The following MYO3B variants were observed in gnomAD, a reference collection of about 807,000 sequenced individuals.
The protein encoded by MYO3B is myosin IIIB.
In MYO3B, 156 loss-of-function variants were observed where a neutral mutation model predicts 174.6. The ratio of observed to expected loss-of-function variants is 0.89; its 90% CI spans 0.78 to 1.02. The LOEUF is 1.02. Among genes scored for constraint, MYO3B ranks in the 50% least tolerant of loss-of-function variants. The pLI is 0.00. For missense variants in MYO3B, 1,632 were observed against 1,639.4 expected, an observed-to-expected ratio of 1.00 and a Z score of 0.08; for synonymous variants, 563 against 569.1, an observed-to-expected ratio of 0.99 and a Z score of 0.15.
At chr2:170,389,869 C>T (rs1044327383) in intron 14 of MYO3B, among the ~76,000 whole-genome samples, 2 of 152,012 alleles carry the variant, frequency 1.3e-5, no homozygotes, top group East Asian at 1.9e-4. Flanking sequence ...TTAAGCTTAC[C>T]GTTATTCTCC....
intron 1 of MYO3B, among the ~76,000 whole-genome samples, chr2:170,186,631 C>T (rs1489513081): frequency 2.0e-5 from 3 of 152,142 alleles, no homozygotes; most frequent in African/African-American, 7.2e-5. Flanking sequence ...CTAATACCGG[C>T]CCCATAAAAT....
At chr2:170,350,347 C>T (rs772528430) in intron 8 of MYO3B, 7 of 152,008 alleles carry the variant, frequency 4.6e-5, no homozygotes, top group Non-Finnish European at 8.8e-5. Flanking sequence ...TTTTTGATTG[C>T]CTTAAATACA....
intron 28 of MYO3B, among the ~76,000 whole-genome samples, chr2:170,511,996 T>C (rs1688020941): frequency 6.6e-6 from 1 of 152,214 alleles, no homozygotes; most frequent in Non-Finnish European, 1.5e-5. Context: ...CAATGCTGTT[T>C]CAGGACAAGC....
intron 24 of MYO3B, 123 bp downstream of exon 24, chr2:170,463,568 T>C (rs1024381607): frequency 1.3e-5 from 11 of 846,820 alleles, no homozygotes; most frequent in Non-Finnish European, 2.0e-5. Context: ...AAAGATTGGG[T>C]TGGGGAAGTG....
intron 7 of MYO3B, among the ~76,000 whole-genome samples, chr2:170,266,328 T>A (rs1011065143): frequency 6.6e-6 from 1 of 152,198 alleles, no homozygotes; most frequent in Non-Finnish European, 1.5e-5. Flanking sequence ...AAAACATTAA[T>A]TTTTAAACTA....
chr2:170,350,494 C>G (rs1168750973), intron 8 of MYO3B: 3 of 152,052 alleles, frequency 2.0e-5, no homozygotes, highest in African/African-American at 7.2e-5. Context: ...TTTAGAATTC[C>G]ACAGAAAGAT....
At chr2:170,228,652 C>T (rs2092979323) in intron 6 of MYO3B, among the ~76,000 whole-genome samples, 1 of 152,116 alleles carries the variant, frequency 6.6e-6, no homozygotes, top group African/African-American at 2.4e-5. Context: ...CTTCTACCCT[C>T]CACTAGCTAT....
At chr2:170,519,712 C>A in intron 30 of MYO3B, 172 bp downstream of exon 30, 1 of 555,402 alleles carries the variant, frequency 1.8e-6, no homozygotes, top group Non-Finnish European at 3.2e-6. Context: ...TGGCTCATGC[C>A]TGTAATCCCA....
chr2:170,236,042 G>T lies in MYO3B; in HGVS notation c.655G>T (p.Val219Phe), dbSNP rs757553236. The T allele has an allele frequency of 1.2e-6, 2 of 1,613,984 alleles. No individual in the cohort carries two copies. Among genetic ancestry groups the T allele is most frequent in the Non-Finnish European group, 1.7e-6 (2 of 1,180,010 alleles). Residue 219 changes from valine to phenylalanine, a missense_variant, in exon 7 of 35, where the codon GTC becomes TTC. Transcript: ENST00000408978. ...YDSSYDARCD[V>F]WSLGITAIEL... ...CTCTTCCTATGACGCTCGCTGTGACGTCTGGTCCTTGGGGATCACAGCTAT... is the reference window on the plus strand; with the variant it reads ...CTCTTCCTATGACGCTCGCTGTGACTTCTGGTCCTTGGGGATCACAGCTAT...
At chr2:170,484,503 A>AT (rs1685900142) in intron 25 of MYO3B, among the ~76,000 whole-genome samples, 2 of 152,138 alleles carry the variant, frequency 1.3e-5, no homozygotes. Context: ...TGTCATTGTG[A>AT]TTTTTCCTCT....
intron 7 of MYO3B, among the ~76,000 whole-genome samples, chr2:170,280,936 T>C (rs2093504019): frequency 6.6e-6 from 1 of 152,212 alleles, no homozygotes; most frequent in Non-Finnish European, 1.5e-5. Context: ...TTCTTTTTGC[T>C]TAGGAGTGCC....
chr2:170,401,412 T>G (rs188905377), intron 17 of MYO3B, 69 bp from the exon 18 acceptor site: 2 of 1,442,602 alleles, frequency 1.4e-6, no homozygotes, highest in Non-Finnish European at 1.9e-6. Context: ...AGATGTTGAA[T>G]AAATGCTGAA....
chr2:170,469,931 C>T (rs1052377856), intron 25 of MYO3B, among the ~76,000 whole-genome samples: 3 of 151,448 alleles, frequency 2.0e-5, no homozygotes, highest in Non-Finnish European at 2.9e-5. Flanking sequence ...GGAGAAACCT[C>T]GTCTCTACTA....
At chr2:170,488,308 A>G (rs936775021) in intron 25 of MYO3B, among the ~76,000 whole-genome samples, 2 of 151,792 alleles carry the variant, frequency 1.3e-5, no homozygotes, top group African/African-American at 4.8e-5. Flanking sequence ...TTATTCATTT[A>G]TTTTTTTTAG....
chr2:170,419,832 G>T (rs1286000145), intron 22 of MYO3B, among the ~76,000 whole-genome samples: 4 of 152,122 alleles, frequency 2.6e-5, no homozygotes, highest in Non-Finnish European at 5.9e-5. Context: ...ATCCAGCCTG[G>T]GGGCAGAAGG....
intron 25 of MYO3B, among the ~76,000 whole-genome samples, chr2:170,468,174 T>C (rs1321135464): frequency 6.6e-6 from 1 of 152,170 alleles, no homozygotes; most frequent in African/African-American, 2.4e-5. Flanking sequence ...TTGAACCACT[T>C]AACAAAATGG....
At position 170,629,308 on chromosome 2, in the gene MYO3B, A is replaced by G. The variant is rs79215213; in HGVS notation, c.3734-22320A>G. 2.1e-4 allele frequency among the ~76,000 whole-genome samples: 32 copies of G among 152,300 alleles called. No individual in the cohort carries two copies. The East Asian group carries it at 6.0e-3, about 28-fold the overall frequency. On this transcript the variant is annotated intron_variant, in intron 32 of 34. Coordinates refer to ENST00000408978, the MANE Select transcript of MYO3B (RefSeq NM_138995.5). ...ATGCCCACTTCCTGGATTAGCAGCCAGTATCACCTGACTCACCCTCTGGTG... is the reference window on the plus strand; with the variant it reads ...ATGCCCACTTCCTGGATTAGCAGCCGGTATCACCTGACTCACCCTCTGGTG...
intron 22 of MYO3B, among the ~76,000 whole-genome samples, chr2:170,416,455 G>A (rs1253537710): frequency 2.0e-5 from 3 of 149,290 alleles, no homozygotes. Flanking sequence ...ACCTCAGAGT[G>A]GAGGTTGCAG....
At chr2:170,636,165 C>CACTA (rs1697453056) in intron 32 of MYO3B, among the ~76,000 whole-genome samples, 1 of 152,124 alleles carries the variant, frequency 6.6e-6, no homozygotes, top group Admixed American at 6.5e-5. Flanking sequence ...GATCTCTCGC[C>CACTA]ACTATCAAAG....
Sources: gnomAD v4.1 joint callset for allele counts (sites outside exome capture counted in the v4.1 genomes callset) on GRCh38, gnomAD v4.1.1 for gene constraint, MANE v1.5 for transcripts, NCBI Gene and HGNC (gene_info 2026-07-23, HGNC 2026-07-21) for gene names.